OPCML: variants seen among roughly 807,000 people sequenced by gnomAD.
OPCML encodes opioid-binding protein/cell adhesion molecule.
In OPCML, 13 loss-of-function variants were observed where a neutral mutation model predicts 37.8. The observed-to-expected ratio is 0.34, with a 90% CI of 0.22 to 0.55. The LOEUF is 0.55. Among genes scored for constraint, OPCML ranks in the 20% least tolerant of loss-of-function variants. OPCML has a pLI of 0.91. For missense variants in OPCML, 341 were observed against 435.6 expected (o/e 0.78, Z 1.93); for synonymous variants, 176 against 168.8 (o/e 1.04, Z -0.33).
intron 1 of OPCML, among the ~76,000 whole-genome samples, chr11:133,064,120 G>T (rs1198045252): frequency 6.6e-6 from 1 of 152,202 alleles, no homozygotes; most frequent in South Asian, 2.1e-4. Flanking sequence ...CTGACCAAAG[G>T]AAGGAGGTGG....
chr11:133,083,144 G>GCA (rs139577478), intron 1 of OPCML, among the ~76,000 whole-genome samples: 7 of 149,354 alleles, frequency 4.7e-5, no homozygotes, highest in Non-Finnish European at 7.4e-5. Context: ...GCACACACAC[G>GCA]CACACACACA....
chr11:133,001,548 C>G (rs936968650), intron 1 of OPCML, among the ~76,000 whole-genome samples: 1 of 152,212 alleles, frequency 6.6e-6, no homozygotes, highest in African/African-American at 2.4e-5. Context: ...TTCTTGCTAG[C>G]CAAAGCCCAG....
intron 2 of OPCML, among the ~76,000 whole-genome samples, chr11:132,846,806 C>T (rs1941560823): frequency 6.6e-6 from 1 of 152,196 alleles, no homozygotes; most frequent in South Asian, 2.1e-4. Context: ...AACTCCCTAC[C>T]TTCCTACTTG....
chr11:132,920,229 T>C (rs1944743510), intron 2 of OPCML, among the ~76,000 whole-genome samples: 1 of 152,174 alleles, frequency 6.6e-6, no homozygotes, highest in South Asian at 2.1e-4. Flanking sequence ...GGAAGAAACA[T>C]TTCATAGGCC....
intron 1 of OPCML, among the ~76,000 whole-genome samples, chr11:133,003,248 G>A (rs1259434339): frequency 6.6e-6 from 1 of 152,208 alleles, no homozygotes; most frequent in African/African-American, 2.4e-5. Flanking sequence ...GAGACCAGAA[G>A]TCTGAATTCA....
intron 1 of OPCML, among the ~76,000 whole-genome samples, chr11:133,041,418 C>T (rs1947895214): frequency 6.6e-6 from 1 of 152,178 alleles, no homozygotes; most frequent in Non-Finnish European, 1.5e-5. Flanking sequence ...GCCTCTCTTT[C>T]CGCTGTAGTT....
chr11:133,478,136 T>A (rs1247040755), intron 1 of OPCML, among the ~76,000 whole-genome samples: 1 of 152,126 alleles, frequency 6.6e-6, no homozygotes, highest in African/African-American at 2.4e-5. Flanking sequence ...CTAAGATGCG[T>A]CAGGGTGGCA....
At chr11:132,673,053 A>C (rs1942545796) in intron 2 of OPCML, among the ~76,000 whole-genome samples, 1 of 152,156 alleles carries the variant, frequency 6.6e-6, no homozygotes, top group South Asian at 2.1e-4. Flanking sequence ...TGACCTGTTG[A>C]TACTTCTAAG....
intron 4 of OPCML, among the ~76,000 whole-genome samples, chr11:132,520,329 A>T (rs1025605288): frequency 3.9e-5 from 6 of 152,158 alleles, no homozygotes; most frequent in Non-Finnish European, 8.8e-5. Flanking sequence ...CTACCATTTT[A>T]GTTAGCTGTG....
chr11:132,447,464 A>ATT (rs537083917), intron 4 of OPCML, among the ~76,000 whole-genome samples: 85 of 142,646 alleles, frequency 6.0e-4, no homozygotes, highest in African/African-American at 1.7e-3. Flanking sequence ...TGCCCAGTTA[A>ATT]TTTTTTTTTT....
chr11:133,191,938 C>T (rs1377823713), intron 1 of OPCML, among the ~76,000 whole-genome samples: 1 of 152,106 alleles, frequency 6.6e-6, no homozygotes, highest in Non-Finnish European at 1.5e-5. Flanking sequence ...GTCTCTAACC[C>T]AAAATATAGA....
At chr11:133,210,134 G>T (rs1224811003) in intron 1 of OPCML, among the ~76,000 whole-genome samples, 8 of 152,292 alleles carry the variant, frequency 5.3e-5, no homozygotes, top group African/African-American at 1.9e-4. Flanking sequence ...TGCCTCATTT[G>T]GCTGGGCTGT....
At chr11:133,490,869 C>T (rs531488559) in intron 1 of OPCML, among the ~76,000 whole-genome samples, 34 of 152,308 alleles carry the variant, frequency 2.2e-4, no homozygotes, top group African/African-American at 7.0e-4. Context: ...CCCCCGTCAA[C>T]GTTATGCTGT....
Position 133,029,863 on chromosome 11 carries a change from T to TAAA in OPCML, c.62-86856_62-86854dup, listed in dbSNP as rs5795813. 4.2e-3 allele frequency among the ~76,000 whole-genome samples: 634 copies of TAAA among 151,656 alleles called. 2 individuals carry two copies. Among genetic ancestry groups the TAAA allele is most frequent in the Non-Finnish European group, 7.4e-3 (503 of 67,902 alleles). ...ACACGCACCTAATGAATCTAAAATT[T>TAAA]AAAAAAAAATTAAGTAAAACTCATT... On this transcript the variant is annotated intron_variant, in intron 1 of 7. Coordinates refer to ENST00000524381, the MANE Select transcript of OPCML (RefSeq NM_001012393.5).
At chr11:132,531,748 T>C in intron 3 of OPCML, among the ~76,000 whole-genome samples, 1 of 115,112 alleles carries the variant, frequency 8.7e-6, no homozygotes, top group East Asian at 3.0e-4. Flanking sequence ...GAGAAACATG[T>C]TCTACCCGTT....
intron 3 of OPCML, among the ~76,000 whole-genome samples, chr11:132,642,233 T>A (rs530156225): frequency 6.6e-6 from 1 of 152,348 alleles, no homozygotes; most frequent in South Asian, 2.1e-4. Flanking sequence ...TTGCTGATAT[T>A]ATTTCTCTTT....
At chr11:133,199,963 G>T (rs1938700758) in intron 1 of OPCML, among the ~76,000 whole-genome samples, 1 of 152,172 alleles carries the variant, frequency 6.6e-6, no homozygotes, top group African/African-American at 2.4e-5. Flanking sequence ...ACTGACTCGG[G>T]AGAGACTCCT....
At chr11:133,092,657 C>T (rs978391598) in intron 1 of OPCML, among the ~76,000 whole-genome samples, 3 of 151,986 alleles carry the variant, frequency 2.0e-5, no homozygotes, top group Non-Finnish European at 4.4e-5. Context: ...ACCCGGGAGG[C>T]GGAGGTTGCA....
At chr11:133,227,727 T>A (rs1940097501) in intron 1 of OPCML, among the ~76,000 whole-genome samples, 1 of 152,168 alleles carries the variant, frequency 6.6e-6, no homozygotes, top group South Asian at 2.1e-4. Context: ...GTGAAGGGCA[T>A]CTGCAGAGCA....
Sources: gnomAD v4.1 joint callset for allele counts (sites outside exome capture counted in the v4.1 genomes callset) on GRCh38, gnomAD v4.1.1 for gene constraint, MANE v1.5 for transcripts, NCBI Gene and HGNC (gene_info 2026-07-23, HGNC 2026-07-21) for gene names.